Variants in CDK10 observed in about 807,000 individuals in gnomAD.
The protein encoded by CDK10 is cyclin dependent kinase 10, also known as cyclin-dependent kinase 10.
Under a neutral mutation model 51.0 loss-of-function variants are expected in CDK10, and 55 were observed. That is an observed-to-expected ratio of 1.08 (90% CI 0.87 to 1.35). CDK10 has a LOEUF of 1.35. CDK10 is among the 40% of genes most tolerant of loss of function. CDK10 has a pLI of 0.00. For missense variants in CDK10, 589 were observed against 485.1 expected (o/e 1.21, Z -2.01); for synonymous variants, 255 against 199.1 (o/e 1.28, Z -2.36).
chr16:89,695,833 T>C lies in CDK10; in HGVS notation c.*141T>C. 6 of 1,527,852 alleles carry C rather than the reference T, an allele frequency of 3.9e-6. No homozygotes were observed. Among genetic ancestry groups the C allele is most frequent in the Non-Finnish European group, 4.4e-6 (5 of 1,135,872 alleles). The allele number at this position is 1,527,852 out of a possible 1,614,324, so 94.6% of individuals were successfully genotyped here. The stretch of plus-strand genomic sequence containing the variant: ...CTGGGAACATCCTCCACTGACTTCC[T>C]CCCACTGTCTGCCCTGAACCCACTG... On this transcript the variant is annotated 3_prime_UTR_variant, in exon 13 of 13. Coordinates refer to ENST00000353379, the MANE Select transcript of CDK10 (RefSeq NM_052988.5).
chr16:89,687,706 G>C (rs896886630), intron 1 of CDK10: 2 of 415,106 alleles, frequency 4.8e-6, no homozygotes, highest in Non-Finnish European at 9.9e-6. Context: ...GGAATTACAG[G>C]CGTGAGCCAC....
At chr16:89,695,126 T>C in intron 11 of CDK10, 56 bp downstream of exon 11, 1 of 1,574,198 alleles carries the variant, frequency 6.4e-7, no homozygotes, top group South Asian at 1.2e-5. Context: ...GTCCAGACCG[T>C]TTCCCAGAGC....
At chr16:89,691,739 G>T in intron 4 of CDK10, 67 bp from the exon 5 acceptor site, 2 of 1,485,004 alleles carry the variant, frequency 1.3e-6, no homozygotes, top group Non-Finnish European at 1.9e-6. Flanking sequence ...TCCTGCAGCA[G>T]GGGAGGCTCC....
At chr16:89,693,617 C>T in intron 8 of CDK10, 150 bp downstream of exon 8, 1 of 737,124 alleles carries the variant, frequency 1.4e-6, no homozygotes, top group Non-Finnish European at 2.3e-6. Context: ...CTAGGACAGC[C>T]TCCAGGACAC....
chr16:89,692,989 T>A (rs2151584870), intron 6 of CDK10, among the ~76,000 whole-genome samples: 1 of 151,430 alleles, frequency 6.6e-6, no homozygotes, highest in South Asian at 2.1e-4. Flanking sequence ...TACAAAAAAA[T>A]TAGCCGGGCG....
chr16:89,693,203 T>C (rs2151586259), intron 6 of CDK10, 71 bp from the exon 7 acceptor site: 3 of 1,362,306 alleles, frequency 2.2e-6, no homozygotes, highest in East Asian at 2.3e-5. Flanking sequence ...TCTACGGGCA[T>C]TGGTGCCGTG....
Position 89,695,146 on chromosome 16 carries a change from C to T in CDK10, c.932+76C>T, listed in dbSNP as rs1403481177. On this transcript the variant is annotated intron_variant, in intron 11 of 12. Transcript: ENST00000353379. ...GACCGTTTCCCAGAGCCCAGCCTCA[C>T]TGCGGTGGAGAGGCCCCTCCCCAGG... 4 of 1,558,254 alleles carry T rather than the reference C, an allele frequency of 2.6e-6. No homozygotes were observed. The Admixed American group carries it at 7.1e-5, about 28-fold the overall frequency.
chr16:89,687,693 G>T (rs1279340182), intron 1 of CDK10: 7 of 429,924 alleles, frequency 1.6e-5, no homozygotes, highest in Non-Finnish European at 2.9e-5. Flanking sequence ...CCTCCCAAGT[G>T]CTGGAATTAC....
chr16:89,690,478 G>A (rs958965339), intron 2 of CDK10, 75 bp from the exon 3 acceptor site: 10 of 1,306,218 alleles, frequency 7.7e-6, no homozygotes, highest in Middle Eastern at 2.0e-4. Context: ...GGCTCAGGGA[G>A]AGCCTCCCGT....
At chr16:89,694,907 C>T (rs1024113787) in intron 10 of CDK10, 24 bp from the exon 11 acceptor site, 2 of 1,583,130 alleles carry the variant, frequency 1.3e-6, no homozygotes, top group East Asian at 2.2e-5. Context: ...ACGCCCTCTG[C>T]GCCTCAGCTC....
At position 89,695,910 on chromosome 16, in the gene CDK10, C is replaced by A; in HGVS notation, c.*218C>A. On this transcript the variant is annotated 3_prime_UTR_variant, in exon 13 of 13. Transcript: ENST00000353379. ...ACCGGGGGGCTCCCAGCCCGTGCACCCTGGAAGGGCAGGTCTGGCGGCTCC... is the reference window on the plus strand; with the variant it reads ...ACCGGGGGGCTCCCAGCCCGTGCACACTGGAAGGGCAGGTCTGGCGGCTCC... The A allele has an allele frequency of 2.0e-6, 2 of 999,826 alleles. No homozygotes were observed. The highest frequency in any genetic ancestry group is 3.0e-6 in the Non-Finnish European group (2 of 669,782). The allele number at this position is 999,826 out of a possible 1,614,324, so 61.9% of individuals were successfully genotyped here.
In CDK10 at chr16:89,696,051, A is replaced by G; in HGVS notation, c.*359A>G. On this transcript the variant is annotated 3_prime_UTR_variant, in exon 13 of 13. Transcript: ENST00000353379. ...CCCCGCTGTCTTTGAGTTGTGGTGG[A>G]CGCTGGCCTGGGATGAGAGGGCCCA... is the stretch of plus-strand genomic sequence containing the variant. 1.8e-6 allele frequency: 1 copy of G among 568,090 alleles called. No individual in the cohort carries two copies. Among genetic ancestry groups the G allele is most frequent in the Non-Finnish European group, 3.2e-6 (1 of 315,414 alleles). 35.2% of individuals were successfully genotyped at this position (568,090 alleles called of 1,614,324 possible).
chr16:89,695,285 T>G lies in CDK10; in HGVS notation c.933-8T>G, dbSNP rs750451428. On this transcript the variant is annotated splice_polypyrimidine_tract_variant and splice_region_variant and intron_variant, in intron 11 of 12. Coordinates refer to ENST00000353379, the MANE Select transcript of CDK10 (RefSeq NM_052988.5). ...ACAAGTCGCACTAACGCAGGCTGCC[T>G]CCTCCAGGGCGACGGCCGGGGACTG... The G allele has an allele frequency of 2.5e-6, 4 of 1,608,140 alleles. No homozygotes were observed. Among genetic ancestry groups the G allele is most frequent in the Non-Finnish European group, 3.4e-6 (4 of 1,176,700 alleles).
intron 4 of CDK10, 50 bp downstream of exon 4, chr16:89,691,595 G>A: frequency 6.7e-7 from 1 of 1,497,124 alleles, no homozygotes; most frequent in Non-Finnish European, 9.3e-7. Flanking sequence ...CATGTGTCTT[G>A]GGCTAGAGGT....
At chr16:89,688,697 T>G (rs1184906285) in intron 1 of CDK10, among the ~76,000 whole-genome samples, 1 of 152,244 alleles carries the variant, frequency 6.6e-6, no homozygotes, top group Non-Finnish European at 1.5e-5. Context: ...CAGCAGCCTC[T>G]GCCACAGATG....
At chr16:89,692,386 G>A in intron 5 of CDK10, 63 bp from the exon 6 acceptor site, 1 of 1,301,130 alleles carries the variant, frequency 7.7e-7, no homozygotes, top group Non-Finnish European at 1.0e-6. Context: ...TGTGGGTGTG[G>A]CAGGGCCCAG....
In CDK10 at chr16:89,692,493, G is replaced by C; in HGVS notation, c.462G>C (p.Leu154=). 1.3e-6 allele frequency: 2 copies of C among 1,595,830 alleles called. No individual in the cohort carries two copies. The highest frequency in any genetic ancestry group is 4.7e-5 in the East Asian group (2 of 42,726). Residue 154 remains leucine (L), a synonymous_variant, in exon 6 of 13, where the codon CTG becomes CTC. Coordinates refer to ENST00000353379, the MANE Select transcript of CDK10 (RefSeq NM_052988.5). The part of the protein sequence containing the change: ...VLQVLRGLQY[L]HRNFIIHRDL... ...AGGTGCTCCGGGGCCTCCAGTATCT[G>C]CACAGGAACTTCATTATCCACAGGT... is the stretch of plus-strand genomic sequence containing the variant.
intron 1 of CDK10, chr16:89,687,496 G>A (rs1376973330): frequency 2.2e-6 from 1 of 456,236 alleles, no homozygotes; most frequent in East Asian, 7.0e-5. Flanking sequence ...ATCCAGACGT[G>A]CAGCAGGCGC....
intron 5 of CDK10, 27 bp downstream of exon 5, chr16:89,691,914 G>A: frequency 6.3e-7 from 1 of 1,598,738 alleles, no homozygotes. Flanking sequence ...CCTGGGGTGG[G>A]GGAATGGGCT....
Sources: gnomAD v4.1 joint callset for allele counts (sites outside exome capture counted in the v4.1 genomes callset) on GRCh38, gnomAD v4.1.1 for gene constraint, MANE v1.5 for transcripts, NCBI Gene and HGNC (gene_info 2026-07-23, HGNC 2026-07-21) for gene names.